The following STAB1 variants were observed in gnomAD, a reference collection of about 807,000 sequenced individuals.
The protein encoded by STAB1 is stabilin-1.
In STAB1, 250 loss-of-function variants were observed where a neutral mutation model predicts 332.4. The observed-to-expected ratio is 0.75, with a 90% confidence interval of 0.68 to 0.84. STAB1 has a LOEUF of 0.84. STAB1 is among the 40% of genes least tolerant of loss of function. STAB1 has a pLI of 0.00. For synonymous variants in STAB1, 1,475 were observed against 1,390.4 expected, an observed-to-expected ratio of 1.06 and a Z score of -1.35; for missense variants, 3,249 against 3,489.7, an observed-to-expected ratio of 0.93 and a Z score of 1.74.
rs1199507385 is a variant in STAB1, at chr3:52,501,758, G to A, written c.331+5G>A. ...ACTGGGGTTCCCGGTGCCATGGTAT[G>A]GGAGAAAGGGGGACCCCGCCTTGCG... On this transcript the variant is annotated splice_donor_5th_base_variant and intron_variant, in intron 3 of 68. Coordinates refer to ENST00000321725, the MANE Select transcript of STAB1 (RefSeq NM_015136.3). 1.3e-6 allele frequency: 2 copies of A among 1,553,956 alleles called. No homozygotes were observed. The highest frequency in any genetic ancestry group is 2.7e-5 in the African/African-American group (2 of 73,164).
intron 21 of STAB1, 67 bp from the exon 22 acceptor site, chr3:52,509,143 G>T (rs2153233393): frequency 7.0e-7 from 1 of 1,418,634 alleles, no homozygotes; most frequent in Non-Finnish European, 9.8e-7. Flanking sequence ...AAAGGAGGGG[G>T]TGTTGGGAGA....
intron 18 of STAB1, among the ~76,000 whole-genome samples, chr3:52,507,200 A>G (rs763142719): frequency 3.3e-5 from 5 of 152,164 alleles, no homozygotes; most frequent in Non-Finnish European, 4.4e-5. Context: ...GTCCGCCAAC[A>G]TGCCTGGCTA....
At position 52,523,509 on chromosome 3, in the gene STAB1, C is replaced by G; in HGVS notation, c.7223C>G (p.Pro2408Arg). 1.2e-6 allele frequency: 2 copies of G among 1,612,742 alleles called. No homozygotes were observed. Among genetic ancestry groups the G allele is most frequent in the Non-Finnish European group, 1.7e-6 (2 of 1,179,848 alleles). ...SANASQGKLLPAHSGLSLIIS... is the reference protein window; with the variant it reads ...SANASQGKLLRAHSGLSLIIS... ...AACGCCAGCCAGGGGAAGTTGCTTC[C>G]GGCCCACTCAGGCCTCAGCCTCATC... The change falls in exon 65 of 69, where the codon CCG (proline) becomes CGG (arginine). Residue 2408 changes from proline (P) to arginine (R), a missense_variant. Coordinates refer to ENST00000321725, the MANE Select transcript of STAB1 (RefSeq NM_015136.3).
Position 52,524,159 on chromosome 3 carries a change from G to A in STAB1, c.7602G>A (p.Leu2534=). 6.2e-7 allele frequency: 1 copy of A among 1,614,068 alleles called. No individual in the cohort carries two copies. Among genetic ancestry groups the A allele is most frequent in the Non-Finnish European group, 8.5e-7 (1 of 1,180,040 alleles). The change falls in exon 68 of 69, where the codon CTG becomes CTA. Residue 2534 remains leucine (L), a synonymous_variant. Transcript: ENST00000321725. The part of the protein sequence containing the change: ...SPWQEGTNPT[L]VSVPNPVFGS... ...GGCAAGAAGGGACCAACCCCACCCT[G>A]GTCTCTGTCCCCAACCCTGTCTTTG...
At position 52,503,435 on chromosome 3, in the gene STAB1, C is replaced by T; in HGVS notation, c.786C>T (p.Asn262=). Residue 262 remains asparagine (N), a synonymous_variant, in exon 8 of 69, where the codon AAC becomes AAT. Transcript: ENST00000321725. The part of the protein sequence containing the change: ...KGQAQCHCPE[N]YHGDGMVCLP... ...AGGCTCAGTGTCACTGCCCTGAGAA[C>T]TACCATGGCGATGGGATGGTGTGTC... 1 of 1,613,820 alleles carries T rather than the reference C, an allele frequency of 6.2e-7. No homozygotes were observed. Among genetic ancestry groups the T allele is most frequent in the Non-Finnish European group, 8.5e-7 (1 of 1,180,028 alleles).
At position 52,501,369 on chromosome 3, in the gene STAB1, C is replaced by G. The variant is rs886815473; in HGVS notation, c.215+67C>G. ...TGTGGGGTGGCAGGGACTCGGGGAG[C>G]CTGACAGGCCCACAAAATGAGGAGA... On this transcript the variant is annotated intron_variant, in intron 2 of 68. Transcript: ENST00000321725. 15 of 1,579,064 alleles carry G rather than the reference C, an allele frequency of 9.5e-6. No individual in the cohort carries two copies. In the African/African-American group the frequency reaches 1.3e-4, roughly 14 times the overall value.
chr3:52,495,450 C>G lies in STAB1; in HGVS notation c.37C>G (p.Leu13Val), dbSNP rs1396413945. The G allele has an allele frequency of 7.4e-7, 1 of 1,344,170 alleles. No homozygotes were observed. The highest frequency in any genetic ancestry group is 9.6e-7 in the Non-Finnish European group (1 of 1,040,790). 83.3% of individuals were successfully genotyped at this position (1,344,170 alleles called of 1,614,324 possible). The change falls in exon 1 of 69, where the codon CTG (leucine) becomes GTG (valine). Residue 13 changes from leucine (L) to valine (V), a missense_variant. Physicochemically the swap from Leu to Val is conservative, Grantham distance 32 (BLOSUM62 1). Transcript: ENST00000321725. ...CCGGGGCCTCCTCCCACTCTGCCTC[C>G]TGGCCTTCTGCCTGGCAGGCTTCAG... is the stretch of plus-strand genomic sequence containing the variant. ...GPRGLLPLCL[L>V]AFCLAGFSFV...
chr3:52,509,183 T>G (rs1052370368), intron 21 of STAB1, 27 bp from the exon 22 acceptor site: 3 of 1,606,868 alleles, frequency 1.9e-6, no homozygotes, highest in Middle Eastern at 1.7e-4. Flanking sequence ...TTCCCATGAC[T>G]GATCCTGCCT....
chr3:52,508,541 G>T (rs1462444229), intron 21 of STAB1, 182 bp downstream of exon 21: 1 of 670,164 alleles, frequency 1.5e-6, no homozygotes, highest in African/African-American at 1.8e-5. Context: ...AATTAGAGAG[G>T]CCAGGTGCAA....
In STAB1 at chr3:52,520,839, G is replaced by C; in HGVS notation, c.5742G>C (p.Lys1914Asn). ...AGGCCTGCTGGCGCTTCTACCCGAAGTTCTGGACGTCCCCTCCGCTGCACT... is the reference window on the plus strand; with the variant it reads ...AGGCCTGCTGGCGCTTCTACCCGAACTTCTGGACGTCCCCTCCGCTGCACT... ...SPEACWRFYP[K>N]FWTSPPLHSL... Residue 1914 changes from lysine to asparagine, a missense_variant, in exon 55 of 69, where the codon AAG (lysine) becomes AAC (asparagine). By Grantham distance (94) the Lys-to-Asn change is moderately conservative (BLOSUM62 0). Coordinates refer to ENST00000321725, the MANE Select transcript of STAB1 (RefSeq NM_015136.3). 1 of 1,612,816 alleles carries C rather than the reference G, an allele frequency of 6.2e-7. No individual in the cohort carries two copies.
At chr3:52,516,921 C>T (rs2078886868) in intron 41 of STAB1, 63 bp from the exon 42 acceptor site, 5 of 1,605,180 alleles carry the variant, frequency 3.1e-6, no homozygotes, top group South Asian at 1.1e-5. Context: ...TCACGCCCTC[C>T]TCTCCTGTCC....
At position 52,524,341 on chromosome 3, in the gene STAB1, C is replaced by T; in HGVS notation, c.7698C>T (p.Ile2566=). The change falls in exon 69 of 69, where the codon ATC becomes ATT. Residue 2566 remains isoleucine, a synonymous_variant. Coordinates refer to ENST00000321725, the MANE Select transcript of STAB1 (RefSeq NM_015136.3). ...LEEDFPDTQR[I]LTVK is the part of the protein sequence containing the mutation. ...AGGACTTCCCTGACACCCAGAGGAT[C>T]CTCACAGTCAAGTGACGAGGCTGGG... is the stretch of plus-strand genomic sequence containing the variant. 1 of 1,613,842 alleles carries T rather than the reference C, an allele frequency of 6.2e-7. No individual in the cohort carries two copies. The highest frequency in any genetic ancestry group is 8.5e-7 in the Non-Finnish European group (1 of 1,180,016).
chr3:52,522,033 TCA>T lies in STAB1; in HGVS notation c.6272-3_6272-2del. The T allele has an allele frequency of 6.2e-7, 1 of 1,613,048 alleles. No individual in the cohort carries two copies. The highest frequency in any genetic ancestry group is 8.5e-7 in the Non-Finnish European group (1 of 1,179,712). On this transcript the variant is annotated splice_acceptor_variant and splice_polypyrimidine_tract_variant and intron_variant, in intron 58 of 68. Coordinates refer to ENST00000321725, the MANE Select transcript of STAB1 (RefSeq NM_015136.3). LOFTEE classifies it high-confidence loss of function. ...AGGTCCAACCACTCCCTCCCTGCCCTCAGTGGCAGACCTGTGCCAGGACGGGC... is the reference window on the plus strand; with the variant it reads ...AGGTCCAACCACTCCCTCCCTGCCCTGTGGCAGACCTGTGCCAGGACGGGC...
intron 48 of STAB1, 114 bp downstream of exon 48, chr3:52,518,983 G>C (rs997783163): frequency 3.1e-6 from 4 of 1,300,682 alleles, no homozygotes; most frequent in African/African-American, 3.1e-5. Context: ...CCTAGCCAGG[G>C]GGCGCCTCCT....
chr3:52,520,670 C>T lies in STAB1; in HGVS notation c.5678C>T (p.Pro1893Leu), dbSNP rs771207780. Residue 1893 changes from proline (P) to leucine (L), a missense_variant, in exon 54 of 69, where the codon CCA (proline) becomes CTA (leucine). Coordinates refer to ENST00000321725, the MANE Select transcript of STAB1 (RefSeq NM_015136.3). Reference protein sequence around the residue: ...LNTCSICGLEPPCPEGSQEQG... With the variant: ...LNTCSICGLELPCPEGSQEQG... ...ACCTGCAGCATCTGTGGGCTGGAGCCACCCTGTCCTGAGGGGTCACAGGAG... is the reference window on the plus strand; with the variant it reads ...ACCTGCAGCATCTGTGGGCTGGAGCTACCCTGTCCTGAGGGGTCACAGGAG... The T allele has an allele frequency of 2.5e-6, 4 of 1,612,642 alleles. No individual in the cohort carries two copies. In the South Asian group the frequency reaches 3.3e-5, roughly 13 times the overall value.
In STAB1 at chr3:52,510,453, C is replaced by T. The variant is rs552572603; in HGVS notation, c.2733C>T (p.Asp911=). Residue 911 remains aspartate, a synonymous_variant, in exon 25 of 69, where the codon GAC becomes GAT. Transcript: ENST00000321725. ...TGGCTATTGACGAGTGTGAGCTGGA[C>T]ATGAGAGGTGGCTGCCACACCGATG... ...VCVAIDECEL[D]MRGGCHTDAL... The T allele has an allele frequency of 9.9e-6, 16 of 1,613,554 alleles. No homozygotes were observed. In the Admixed American group the frequency reaches 1.0e-4, roughly 10 times the overall value.
chr3:52,508,073 C>CTGTT, intron 20 of STAB1, 47 bp downstream of exon 20: 1 of 1,582,218 alleles, frequency 6.3e-7, no homozygotes, highest in Non-Finnish European at 8.6e-7. Context: ...TGGGCACCTG[C>CTGTT]TGTTCCTCGG....
In STAB1 at chr3:52,519,531, C is replaced by T. The variant is rs1481050738; in HGVS notation, c.5202C>T (p.Gly1734=). 5 of 1,613,336 alleles carry T rather than the reference C, an allele frequency of 3.1e-6. No homozygotes were observed. ...PRRNVTAAAQ[G]FGYKIFSGLL... ...GAAATGTCACCGCCGCCGCCCAGGGCTTCGGTTACAAGATCTTCAGCGGCC... is the reference window on the plus strand; with the variant it reads ...GAAATGTCACCGCCGCCGCCCAGGGTTTCGGTTACAAGATCTTCAGCGGCC... The change falls in exon 50 of 69, where the codon GGC becomes GGT. Residue 1734 remains glycine (G), a synonymous_variant. Coordinates refer to ENST00000321725, the MANE Select transcript of STAB1 (RefSeq NM_015136.3).
intron 26 of STAB1, 99 bp from the exon 27 acceptor site, chr3:52,512,242 G>T (rs1354556883): frequency 7.0e-6 from 8 of 1,150,468 alleles, no homozygotes; most frequent in African/African-American, 3.0e-5. Flanking sequence ...AAGGGGCAGG[G>T]GCTGGGGCTG....
Sources: allele counts gnomAD v4.1 joint callset (sites outside exome capture counted in the v4.1 genomes callset), GRCh38; gene constraint gnomAD v4.1.1; transcripts MANE v1.5; gene names NCBI Gene and HGNC (gene_info 2026-07-23, HGNC 2026-07-21).